The following DLGAP2 variants were observed in gnomAD, a reference collection of about 807,000 sequenced individuals.
DLGAP2 encodes DLG associated protein 2, also known as disks large-associated protein 2.
Under a neutral mutation model 100.3 loss-of-function variants are expected in DLGAP2, and 26 were observed. The ratio of observed to expected loss-of-function variants is 0.26; its 90% CI spans 0.19 to 0.36. The LOEUF is 0.36. Among genes scored for constraint, DLGAP2 ranks in the 10% least tolerant of loss-of-function variants. The pLI, the probability that DLGAP2 is intolerant of heterozygous loss-of-function variation, is 1.00. For synonymous variants in DLGAP2, 886 were observed against 630.1 expected (o/e 1.41, Z -6.08); for missense variants, 1,858 against 1,453.2 (o/e 1.28, Z -4.53).
intron 2 of DLGAP2, among the ~76,000 whole-genome samples, chr8:1,178,952 C>T (rs567739217): frequency 6.6e-6 from 1 of 151,880 alleles, no homozygotes; most frequent in Non-Finnish European, 1.5e-5. Flanking sequence ...GGGGCCCACG[C>T]CGCCCTGGTC....
intron 3 of DLGAP2, among the ~76,000 whole-genome samples, chr8:1,475,444 C>G (rs1275254301): frequency 3.3e-5 from 5 of 152,090 alleles, no homozygotes; most frequent in Non-Finnish European, 5.9e-5. Context: ...AAAACAGAGC[C>G]CATAATGGTG....
intron 7 of DLGAP2, 38 bp downstream of exon 7, chr8:1,626,925 C>T: frequency 6.4e-7 from 1 of 1,557,566 alleles, no homozygotes; most frequent in Non-Finnish European, 8.7e-7. Flanking sequence ...GGGGTCCAGT[C>T]TCCCCAGCCA....
chr8:1,288,101 G>A (rs1333838350), intron 3 of DLGAP2, among the ~76,000 whole-genome samples: 2 of 147,140 alleles, frequency 1.4e-5, no homozygotes, highest in Non-Finnish European at 3.0e-5. Flanking sequence ...GTGTGTGTGC[G>A]TGTGTGGTTC....
At chr8:1,519,109 G>T (rs962319623) in intron 4 of DLGAP2, among the ~76,000 whole-genome samples, 4 of 152,174 alleles carry the variant, frequency 2.6e-5, no homozygotes, top group African/African-American at 9.7e-5. Flanking sequence ...CGAAGGCTTG[G>T]CTTTCACATG....
At chr8:1,026,526 T>C (rs1801805278) in intron 2 of DLGAP2, among the ~76,000 whole-genome samples, 1 of 152,330 alleles carries the variant, frequency 6.6e-6, no homozygotes, top group African/African-American at 2.4e-5. Flanking sequence ...TTTTTCTAAT[T>C]ATCTTTTTCC....
At chr8:752,965 G>A (rs866230667) in intron 1 of DLGAP2, among the ~76,000 whole-genome samples, 3 of 152,140 alleles carry the variant, frequency 2.0e-5, no homozygotes, top group Non-Finnish European at 4.4e-5. Flanking sequence ...TGTGAAAAAC[G>A]GCAGAAACTG....
chr8:813,136 C>A (rs979684719), intron 1 of DLGAP2, among the ~76,000 whole-genome samples: 1 of 151,886 alleles, frequency 6.6e-6, no homozygotes, highest in Admixed American at 6.6e-5. Context: ...ATCTTTCAAC[C>A]AACAAAATGC....
intron 6 of DLGAP2, among the ~76,000 whole-genome samples, chr8:1,573,521 G>A (rs1159148136): frequency 2.0e-5 from 3 of 152,096 alleles, no homozygotes; most frequent in African/African-American, 7.2e-5. Context: ...ACCCCTGACT[G>A]CCATCCGTGG....
chr8:1,492,689 G>A (rs1293350238), intron 3 of DLGAP2, among the ~76,000 whole-genome samples: 2 of 152,204 alleles, frequency 1.3e-5, no homozygotes, highest in Non-Finnish European at 2.9e-5. Context: ...CAGAGGGGCC[G>A]GGATGGACCC....
chr8:1,157,096 G>C (rs996678456), intron 2 of DLGAP2, among the ~76,000 whole-genome samples: 1 of 152,124 alleles, frequency 6.6e-6, no homozygotes. Flanking sequence ...CAGAAGTTTT[G>C]ACAGACTTTG....
At chr8:949,846 T>C (rs1465273368) in intron 2 of DLGAP2, among the ~76,000 whole-genome samples, 1 of 152,190 alleles carries the variant, frequency 6.6e-6, no homozygotes, top group Admixed American at 6.5e-5. Flanking sequence ...ACAGTGACCC[T>C]TTGGTCTAAT....
intron 4 of DLGAP2, among the ~76,000 whole-genome samples, chr8:1,505,295 A>G (rs1449339130): frequency 1.3e-5 from 2 of 152,216 alleles, no homozygotes; most frequent in African/African-American, 4.8e-5. Context: ...CATTTCCAAA[A>G]TGCTGTGGGA....
chr8:1,498,484 G>A (rs571106102), intron 3 of DLGAP2, among the ~76,000 whole-genome samples: 11 of 152,172 alleles, frequency 7.2e-5, no homozygotes, highest in Non-Finnish European at 1.2e-4. Flanking sequence ...ATGTTATGTA[G>A]GGTAAAGAAA....
intron 3 of DLGAP2, among the ~76,000 whole-genome samples, chr8:1,474,097 C>T (rs760632043): frequency 2.0e-5 from 3 of 152,156 alleles, no homozygotes; most frequent in African/African-American, 4.8e-5. Flanking sequence ...GCATCCTCAT[C>T]GTTTAGCTCC....
chr8:756,817 G>T (rs1019403637), intron 1 of DLGAP2, among the ~76,000 whole-genome samples: 2 of 152,064 alleles, frequency 1.3e-5, no homozygotes, highest in African/African-American at 2.4e-5. Context: ...GGTCTCTCTC[G>T]GCTTGAAACC....
chr8:739,700 G>C (rs1205439183), intron 1 of DLGAP2: 3 of 152,218 alleles, frequency 2.0e-5, no homozygotes, highest in Admixed American at 6.5e-5. Context: ...CCGGCAGCTG[G>C]GTGACTCACA....
intron 2 of DLGAP2, among the ~76,000 whole-genome samples, chr8:917,712 C>G (rs1478077154): frequency 6.6e-6 from 1 of 152,154 alleles, no homozygotes; most frequent in Admixed American, 6.5e-5. Context: ...TCCTGAGTAG[C>G]TGGGATTACA....
intron 2 of DLGAP2, among the ~76,000 whole-genome samples, chr8:994,442 C>A (rs35100699): frequency 6.6e-6 from 1 of 152,128 alleles, no homozygotes; most frequent in Non-Finnish European, 1.5e-5. Flanking sequence ...TCAGGTGATC[C>A]GTCTGCCTCA....
intron 8 of DLGAP2, among the ~76,000 whole-genome samples, chr8:1,636,086 G>C (rs1456675560): frequency 6.6e-6 from 1 of 152,188 alleles, no homozygotes; most frequent in Non-Finnish European, 1.5e-5. Flanking sequence ...AAATGAAGTG[G>C]TTTTGAAAAC....
Sources: gnomAD v4.1 joint callset for allele counts (sites outside exome capture counted in the v4.1 genomes callset) on GRCh38, gnomAD v4.1.1 for gene constraint, MANE v1.5 for transcripts, NCBI Gene and HGNC (gene_info 2026-07-23, HGNC 2026-07-21) for gene names.